The following ITPR2 variants were observed in gnomAD, a reference collection of about 807,000 sequenced individuals.
The protein encoded by ITPR2 is inositol 1,4,5-trisphosphate-gated calcium channel ITPR2.
Under a neutral mutation model 317.1 loss-of-function variants are expected in ITPR2, and 207 were observed. That is an observed-to-expected ratio of 0.65 (90% CI 0.58 to 0.73). ITPR2 has a LOEUF of 0.73. ITPR2 is among the 30% of genes least tolerant of loss of function. ITPR2 has a pLI of 0.00. For synonymous variants in ITPR2, 1,156 were observed against 1,149.1 expected (o/e 1.01, Z -0.12); for missense variants, 2,613 against 3,284.0 (o/e 0.80, Z 4.99).
intron 35 of ITPR2, among the ~76,000 whole-genome samples, chr12:26,556,895 A>G (rs1013196742): frequency 6.6e-6 from 1 of 152,142 alleles, no homozygotes; most frequent in Non-Finnish European, 1.5e-5. Context: ...CCTGGTCAAC[A>G]TGGTGAAACC....
At chr12:26,451,035 A>G (rs1941727133) in intron 45 of ITPR2, among the ~76,000 whole-genome samples, 1 of 152,182 alleles carries the variant, frequency 6.6e-6, no homozygotes, top group Non-Finnish European at 1.5e-5. Context: ...CTAGTCAAAC[A>G]GAGTTGTCCA....
Position 26,827,501 on chromosome 12 carries a change from G to A in ITPR2, c.92+5189C>T, listed in dbSNP as rs77531524. Among the ~76,000 whole-genome samples the A allele has an allele frequency of 2.5e-3, 376 of 152,278 alleles. 1 individual carries two copies. The highest frequency in any genetic ancestry group is 8.7e-3 in the African/African-American group (361 of 41,536). ...TCCTCCCACATCTCCAGTCAGAGGGGCCTCCAAGAGAGGTCCGGTAAACTC... is the reference window on the plus strand; with the variant it reads ...TCCTCCCACATCTCCAGTCAGAGGGACCTCCAAGAGAGGTCCGGTAAACTC... On this transcript the variant is annotated intron_variant, in intron 1 of 56. Transcript: ENST00000381340.
At chr12:26,686,450 AG>A (rs1286567158) in intron 11 of ITPR2, 30 bp downstream of exon 11, 2 of 1,481,090 alleles carry the variant, frequency 1.4e-6, no homozygotes, top group Non-Finnish European at 1.8e-6. Context: ...AATTATTCAA[AG>A]AAACATCTTT....
chr12:26,678,361 A>G (rs1947958997), intron 13 of ITPR2, among the ~76,000 whole-genome samples: 1 of 152,070 alleles, frequency 6.6e-6, no homozygotes, highest in Non-Finnish European at 1.5e-5. Flanking sequence ...TAACACAGGA[A>G]CTGTACTTCC....
rs1043382104 is a variant in ITPR2 at position 26,479,248 on chromosome 12, C to A, written c.6123+1883G>T. ...TTTTAAAAGGTAGCAATTGTACATA[C>A]TAAAATCAATAAAAATTTAAATAAT... On this transcript the variant is annotated intron_variant, in intron 43 of 56. Transcript: ENST00000381340. Among the ~76,000 whole-genome samples, 5 of 151,122 alleles carry A rather than the reference C, an allele frequency of 3.3e-5. 1 individual carries two copies. In the South Asian group the frequency reaches 8.3e-4, roughly 25 times the overall value.
Position 26,411,325 on chromosome 12 carries a change from T to C in ITPR2, c.7394A>G (p.Asn2465Ser), listed in dbSNP as rs762665788. 9.3e-6 allele frequency: 15 copies of C among 1,611,962 alleles called. No individual in the cohort carries two copies. In the Admixed American group the frequency reaches 1.8e-4, roughly 20 times the overall value. ...ENCSPTIPAS[N>S]TADEEYEDGI... ...CCAGAGTCCTTTCTACAAACCTGTA[T>C]TTGAAGCTGGAATTGTGGGTGAACA... is the stretch of plus-strand genomic sequence containing the variant. Residue 2465 changes from asparagine (N) to serine (S), a missense_variant, in exon 52 of 57, where the codon AAT becomes AGT. Transcript: ENST00000381340.
chr12:26,665,595 T>C (rs1047083995), intron 14 of ITPR2, among the ~76,000 whole-genome samples: 2 of 152,152 alleles, frequency 1.3e-5, no homozygotes, highest in Non-Finnish European at 2.9e-5. Context: ...AGCTGCCTTG[T>C]CTTGAGGCAC....
intron 55 of ITPR2, among the ~76,000 whole-genome samples, chr12:26,367,202 A>G (rs1212485777): frequency 1.4e-5 from 2 of 147,908 alleles, no homozygotes; most frequent in African/African-American, 4.9e-5. Flanking sequence ...GGAAATATTG[A>G]AAGACTTTAT....
intron 45 of ITPR2, among the ~76,000 whole-genome samples, chr12:26,451,365 T>TCACACACA (rs57642539): frequency 0.04 from 5,449 of 136,270 alleles, 218 homozygotes; most frequent in African/African-American, 0.082. Context: ...TTCTCTCATA[T>TCACACACA]CACACACACA....
rs993169418 is a variant in ITPR2 at position 26,384,627 on chromosome 12, T to C, written c.7857+2807A>G. ...CTGCTTTTAATGTTAAGGCCAGAGA[T>C]GGGTCAACATTTTCACAGCAGTCTT... On this transcript the variant is annotated intron_variant, in intron 55 of 56. Coordinates refer to ENST00000381340, the MANE Select transcript of ITPR2 (RefSeq NM_002223.4). Among the ~76,000 whole-genome samples, 3 of 152,312 alleles carry C rather than the reference T, an allele frequency of 2.0e-5. No individual in the cohort carries two copies. The South Asian group carries it at 6.2e-4, about 32-fold the overall frequency.
rs373663754 is a variant in ITPR2, at chr12:26,561,749, C to T, written c.4821+13G>A. The T allele has an allele frequency of 5.5e-5, 84 of 1,533,974 alleles. No homozygotes were observed. Among genetic ancestry groups the T allele is most frequent in the African/African-American group, 3.4e-4 (24 of 69,834 alleles). ...TTTAGAAAATATTAATGCTATTTCACGCTTTCATGTACCTGTAACTTTTCA... is the reference window on the plus strand; with the variant it reads ...TTTAGAAAATATTAATGCTATTTCATGCTTTCATGTACCTGTAACTTTTCA... On this transcript the variant is annotated intron_variant, in intron 35 of 56. Transcript: ENST00000381340.
intron 37 of ITPR2, among the ~76,000 whole-genome samples, chr12:26,499,016 C>T (rs1454146394): frequency 6.6e-6 from 1 of 152,018 alleles, no homozygotes; most frequent in Non-Finnish European, 1.5e-5. Context: ...TTTAATCACA[C>T]CATTTATCAC....
intron 37 of ITPR2, among the ~76,000 whole-genome samples, chr12:26,532,066 C>G (rs1007954945): frequency 1.3e-5 from 2 of 152,114 alleles, no homozygotes; most frequent in Non-Finnish European, 2.9e-5. Flanking sequence ...AGGATATTTA[C>G]AAAAGTAATA....
intron 37 of ITPR2, among the ~76,000 whole-genome samples, chr12:26,507,450 G>A (rs964906574): frequency 6.6e-6 from 1 of 152,172 alleles, no homozygotes; most frequent in Non-Finnish European, 1.5e-5. Context: ...CATACACCGT[G>A]ATAGATATTT....
chr12:26,782,951 T>C (rs928175684), intron 2 of ITPR2, among the ~76,000 whole-genome samples: 1 of 152,198 alleles, frequency 6.6e-6, no homozygotes. Context: ...GCTTGACATG[T>C]TCGACTGCAT....
At chr12:26,379,649 C>G (rs1295757118) in intron 55 of ITPR2, among the ~76,000 whole-genome samples, 1 of 152,142 alleles carries the variant, frequency 6.6e-6, no homozygotes, top group Non-Finnish European at 1.5e-5. Context: ...GGATCCCCAC[C>G]ACGCCTCCTC....
At chr12:26,759,717 A>G (rs1423488647) in intron 2 of ITPR2, among the ~76,000 whole-genome samples, 1 of 152,242 alleles carries the variant, frequency 6.6e-6, no homozygotes, top group Non-Finnish European at 1.5e-5. Context: ...GACAAGCCCG[A>G]CAACAAGGGC....
intron 36 of ITPR2, 82 bp downstream of exon 36, chr12:26,556,151 T>A (rs1944655877): frequency 7.3e-7 from 1 of 1,363,192 alleles, no homozygotes; most frequent in East Asian, 2.5e-5. Flanking sequence ...TGTCATTTTA[T>A]ATCAGTGAAG....
intron 2 of ITPR2, among the ~76,000 whole-genome samples, chr12:26,757,950 T>C (rs530161198): frequency 6.6e-6 from 1 of 152,346 alleles, no homozygotes; most frequent in Admixed American, 6.5e-5. Flanking sequence ...TGTTTGATTA[T>C]TTCTAGAGCA....
Sources: allele counts gnomAD v4.1 joint callset (sites outside exome capture counted in the v4.1 genomes callset), GRCh38; gene constraint gnomAD v4.1.1; transcripts MANE v1.5; gene names NCBI Gene and HGNC (gene_info 2026-07-23, HGNC 2026-07-21).